ARMC8: variants seen among roughly 807,000 people sequenced by gnomAD.
ARMC8 encodes the protein armadillo repeat containing 8, also known as armadillo repeat-containing protein 8.
A neutral mutation model predicts 99.3 loss-of-function variants in ARMC8; 20 were observed. That is an observed-to-expected ratio of 0.20 (90% confidence interval 0.14 to 0.29). The LOEUF is 0.29. Ranked by LOEUF, ARMC8 falls within the 10% of genes least tolerant of loss-of-function variation. The pLI, the probability that ARMC8 is intolerant of heterozygous loss-of-function variation, is 1.00. For synonymous variants in ARMC8, 263 were observed against 278.3 expected (o/e 0.95, Z 0.55); for missense variants, 569 against 809.5 (o/e 0.70, Z 3.60).
In ARMC8 at chr3:138,187,474, C is replaced by G; in HGVS notation, c.-81C>G. The G allele has an allele frequency of 7.0e-7, 1 of 1,434,876 alleles. No individual in the cohort carries two copies. 88.9% of individuals were successfully genotyped at this position (1,434,876 alleles called of 1,614,324 possible). A position where few individuals can be genotyped will look rare whatever the true frequency, so the allele number is the denominator to read the frequency against. On this transcript the variant is annotated 5_prime_UTR_variant, in exon 1 of 22. Coordinates refer to ENST00000469044, the MANE Select transcript of ARMC8 (RefSeq NM_001363941.2). ...ATCTGGCTGCCTTTAGGGAGCGGTG[C>G]CTAGCGTTGGCCAATAGTTGGCTGT...
chr3:138,191,841 C>T (rs908367027), intron 1 of ARMC8, among the ~76,000 whole-genome samples: 4 of 152,110 alleles, frequency 2.6e-5, no homozygotes, highest in Non-Finnish European at 5.9e-5. Flanking sequence ...GCAGTAGTTC[C>T]TTTTTATTGT....
chr3:138,208,731 T>A lies in ARMC8; in HGVS notation c.46-1086T>A, dbSNP rs147711476. The stretch of plus-strand genomic sequence containing the variant: ...AGAAAAAACAAGCAGGGGACAAAAC[T>A]TTTTCTCTGGTTCTTAAATATGGAT... On this transcript the variant is annotated intron_variant, in intron 1 of 21. Transcript: ENST00000469044. Among the ~76,000 whole-genome samples the A allele has an allele frequency of 4.4e-3, 667 of 152,210 alleles. 6 individuals are homozygous for A. Among genetic ancestry groups the A allele is most frequent in the African/African-American group, 0.015 (625 of 41,546 alleles).
At chr3:138,287,517 C>A in intron 19 of ARMC8, 11 of 384,486 alleles carry the variant, frequency 2.9e-5, no homozygotes, top group South Asian at 1.2e-4. Flanking sequence ...GATGAATAAA[C>A]TTATGCATAG....
At chr3:138,214,930 A>G (rs1408070393) in intron 2 of ARMC8, among the ~76,000 whole-genome samples, 1 of 152,178 alleles carries the variant, frequency 6.6e-6, no homozygotes, top group Non-Finnish European at 1.5e-5. Context: ...AAGTGTTGGG[A>G]TTACTGTGCC....
intron 6 of ARMC8, among the ~76,000 whole-genome samples, chr3:138,232,064 G>A (rs1056532009): frequency 7.6e-6 from 1 of 130,860 alleles, no homozygotes; most frequent in African/African-American, 2.9e-5. Context: ...TCCATCTCCT[G>A]GGTCCAAACG....
intron 21 of ARMC8, among the ~76,000 whole-genome samples, chr3:138,292,191 C>T (rs1433685627): frequency 1.3e-5 from 2 of 152,178 alleles, no homozygotes; most frequent in Non-Finnish European, 2.9e-5. Context: ...GCGCCTGCCA[C>T]CACGCCCAGC....
At chr3:138,214,802 T>C (rs543572614) in intron 2 of ARMC8, among the ~76,000 whole-genome samples, 1 of 152,196 alleles carries the variant, frequency 6.6e-6, no homozygotes, top group East Asian at 1.9e-4. Context: ...TATAGGTGCC[T>C]GCCACCATGC....
At chr3:138,212,308 C>CTTT (rs898136861) in intron 2 of ARMC8, among the ~76,000 whole-genome samples, 1 of 131,734 alleles carries the variant, frequency 7.6e-6, no homozygotes, top group African/African-American at 2.8e-5. Context: ...TTTAAGTAAT[C>CTTT]TTTTTTTTTT....
intron 11 of ARMC8, among the ~76,000 whole-genome samples, chr3:138,242,508 T>C (rs2046675731): frequency 6.6e-6 from 1 of 152,172 alleles, no homozygotes; most frequent in Non-Finnish European, 1.5e-5. Flanking sequence ...AAAGGCCAAA[T>C]TGTGCTTTTT....
chr3:138,229,131 C>CAT (rs2045848874), intron 6 of ARMC8, 121 bp downstream of exon 6: 1 of 61,270 alleles, frequency 1.6e-5, no homozygotes, highest in Admixed American at 1.9e-4. Context: ...TGTGTGTGTG[C>CAT]GTGTATATAT....
chr3:138,230,709 A>G (rs2045986910), intron 6 of ARMC8, among the ~76,000 whole-genome samples: 1 of 152,232 alleles, frequency 6.6e-6, no homozygotes, highest in Non-Finnish European at 1.5e-5. Context: ...CACAGCATCT[A>G]CTAGTCATAA....
intron 12 of ARMC8, chr3:138,245,561 A>G (rs141541344): frequency 5.6e-6 from 6 of 1,073,536 alleles, no homozygotes; most frequent in East Asian, 6.6e-5. Context: ...ATACCTTCCA[A>G]TGCTATTGAG....
At chr3:138,277,459 G>A (rs780761254) in intron 18 of ARMC8, among the ~76,000 whole-genome samples, 1 of 152,162 alleles carries the variant, frequency 6.6e-6, no homozygotes, top group Non-Finnish European at 1.5e-5. Context: ...AGACTGAAAC[G>A]ACAAGCCATC....
At chr3:138,293,250 A>C (rs2051147072) in intron 21 of ARMC8, among the ~76,000 whole-genome samples, 7 of 152,170 alleles carry the variant, frequency 4.6e-5, no homozygotes, top group Admixed American at 4.6e-4. Flanking sequence ...AGGCTAAAGA[A>C]GAATAACTAG....
intron 6 of ARMC8, 36 bp downstream of exon 6, chr3:138,229,046 A>G (rs1222676898): frequency 6.7e-7 from 1 of 1,486,586 alleles, no homozygotes; most frequent in Non-Finnish European, 9.2e-7. Flanking sequence ...ATAATGTAAA[A>G]TCTTATTATG....
At chr3:138,267,571 G>T (rs910518520) in intron 15 of ARMC8, among the ~76,000 whole-genome samples, 1 of 151,988 alleles carries the variant, frequency 6.6e-6, no homozygotes, top group African/African-American at 2.4e-5. Context: ...CTTTACTAAA[G>T]AATAAATTAA....
In ARMC8 at chr3:138,289,132, G is replaced by C. The variant is rs1023064877; in HGVS notation, c.1894+12G>C. ...GAATGAAGAGGAAGGTAAGAGATTG[G>C]TGAGATTTGTTTTGAAAAAAATTAT... On this transcript the variant is annotated intron_variant, in intron 20 of 21. Transcript: ENST00000469044. 2.5e-6 allele frequency: 4 copies of C among 1,607,942 alleles called. No homozygotes were observed. In the African/African-American group the frequency reaches 4.0e-5, roughly 16 times the overall value.
intron 9 of ARMC8, chr3:138,239,085 A>G: frequency 5.4e-6 from 1 of 185,652 alleles, no homozygotes. Context: ...AAACTGAGAT[A>G]ATGTGTTCAT....
chr3:138,297,020 C>T lies in ARMC8; in HGVS notation c.*1128C>T, dbSNP rs1163040971. 6.6e-6 allele frequency: 1 copy of T among 152,144 alleles called. No individual in the cohort carries two copies. Among genetic ancestry groups the T allele is most frequent in the African/African-American group, 2.4e-5 (1 of 41,428 alleles). 9.4% of individuals were successfully genotyped at this position (152,144 alleles called of 1,614,324 possible). A position where few individuals can be genotyped will look rare whatever the true frequency, so the allele number is the denominator to read the frequency against. ...AACTAAAGAATATTCTACAGACACC[C>T]CTGTAGAAAGAAACAAAGAACAGGA... is the stretch of plus-strand genomic sequence containing the variant. On this transcript the variant is annotated 3_prime_UTR_variant, in exon 22 of 22. Transcript: ENST00000469044.
Sources: gnomAD v4.1 joint callset for allele counts (sites outside exome capture counted in the v4.1 genomes callset) on GRCh38, gnomAD v4.1.1 for gene constraint, MANE v1.5 for transcripts, NCBI Gene and HGNC (gene_info 2026-07-23, HGNC 2026-07-21) for gene names.